Variants in MTMR10 observed in about 807,000 individuals in gnomAD.
MTMR10 encodes the protein myotubularin-related protein 10.
A neutral mutation model predicts 88.1 loss-of-function variants in MTMR10; 56 were observed. That is an observed-to-expected ratio of 0.64 (90% CI 0.51 to 0.79). The LOEUF is 0.79. MTMR10 is among the 30% of genes least tolerant of loss of function. The pLI, the probability that MTMR10 is intolerant of heterozygous loss-of-function variation, is 0.00. For synonymous variants in MTMR10, 380 were observed against 340.9 expected, an observed-to-expected ratio of 1.11 and a Z score of -1.26; for missense variants, 883 against 924.7, an observed-to-expected ratio of 0.95 and a Z score of 0.58.
rs538133762 is a variant in MTMR10, at chr15:30,940,718, A to G, written c.*752T>C. ...CTGGGGACTCCTGGCTATGAAGCTT[A>G]GTATGAAAAGCCTATTTCAAATATG... is the stretch of plus-strand genomic sequence containing the variant. On this transcript the variant is annotated 3_prime_UTR_variant, in exon 16 of 16. Transcript: ENST00000435680. The G allele has an allele frequency of 8.8e-5, 87 of 988,990 alleles. 1 individual carries two copies. The Admixed American group carries it at 4.2e-3, about 48-fold the overall frequency. The allele number at this position is 988,990 out of a possible 1,614,324, so 61.3% of individuals were successfully genotyped here.
At chr15:30,928,459 TG>T in the MTMR10 span, 4 of 1,548,460 alleles carry the variant, frequency 2.6e-6, no homozygotes, top group South Asian at 4.9e-5. Context: ...AAATTGAGTG[TG>T]CAGTAGGTTA....
chr15:30,929,757 A>ATC, the MTMR10 span, among the ~76,000 whole-genome samples: 6 of 35,712 alleles, frequency 1.7e-4, no homozygotes, highest in African/African-American at 7.8e-4. Context: ...TATATAATAT[A>ATC]ATATATAAAA....
rs2062952195 is a variant in MTMR10 at position 30,939,090 on chromosome 15, A to G, written c.*2380T>C. The G allele has an allele frequency of 1.0e-6, 1 of 985,374 alleles. No homozygotes were observed. Among genetic ancestry groups the G allele is most frequent in the South Asian group, 4.7e-5 (1 of 21,294 alleles). 61.0% of individuals were successfully genotyped at this position (985,374 alleles called of 1,614,324 possible). ...AGGTTTTAGTTTTCTCGGGAAATCA[A>G]GTTTTAACCACTTGAGGTTACTACT... On this transcript the variant is annotated 3_prime_UTR_variant, in exon 16 of 16. Coordinates refer to ENST00000435680, the MANE Select transcript of MTMR10 (RefSeq NM_017762.3).
chr15:30,926,090 C>G, the MTMR10 span: 1 of 765,792 alleles, frequency 1.3e-6, no homozygotes, highest in Admixed American at 2.6e-5. Flanking sequence ...CCTATTCTTC[C>G]CCTTATCAAT....
chr15:30,948,244 A>T (rs1785760342), intron 13 of MTMR10, 58 bp downstream of exon 13: 1 of 1,490,380 alleles, frequency 6.7e-7, no homozygotes. Context: ...TTTTAATGAC[A>T]CAAATTTTAT....
downstream of MTMR10, among the ~76,000 whole-genome samples, chr15:30,935,533 A>G (rs191413278): frequency 6.6e-6 from 1 of 152,326 alleles, no homozygotes; most frequent in East Asian, 1.9e-4. Flanking sequence ...TATATTAGGT[A>G]TTATAAGTAG....
At chr15:30,922,738 G>A in the MTMR10 span, among the ~76,000 whole-genome samples, 1 of 152,238 alleles carries the variant, frequency 6.6e-6, no homozygotes, top group Non-Finnish European at 1.5e-5. Context: ...TTGTAGCACA[G>A]GGTCTCTAGG....
At chr15:30,957,027 T>C (rs533485243) in intron 9 of MTMR10, among the ~76,000 whole-genome samples, 1 of 152,314 alleles carries the variant, frequency 6.6e-6, no homozygotes, top group South Asian at 2.1e-4. Context: ...TTGATGGTTA[T>C]TTGCTTCAGT....
At chr15:30,954,642 T>TA (rs2063296803) in intron 10 of MTMR10, 121 bp downstream of exon 10, 1 of 1,011,080 alleles carries the variant, frequency 9.9e-7, no homozygotes, top group Admixed American at 3.8e-5. Flanking sequence ...TTTGTACAAA[T>TA]AGTTCCATAG....
At chr15:30,951,328 T>A (rs993350204) in intron 12 of MTMR10, among the ~76,000 whole-genome samples, 1 of 152,122 alleles carries the variant, frequency 6.6e-6, no homozygotes, top group Non-Finnish European at 1.5e-5. Context: ...TAAAACAAAT[T>A]TGTACAAATT....
chr15:30,936,982 T>A, downstream of MTMR10: 1 of 702,212 alleles, frequency 1.4e-6, no homozygotes, highest in South Asian at 1.9e-5. Flanking sequence ...ACCATCCGTA[T>A]ATTTGTGTTA....
Position 30,959,062 on chromosome 15 carries a change from G to A in MTMR10, c.818C>T (p.Ser273Phe). The A allele has an allele frequency of 6.2e-7, 1 of 1,613,132 alleles. No individual in the cohort carries two copies. The highest frequency in any genetic ancestry group is 8.5e-7 in the Non-Finnish European group (1 of 1,179,396). The change falls in exon 8 of 16, where the codon TCC becomes TTC. Residue 273 changes from serine (S) to phenylalanine (F), a missense_variant. Coordinates refer to ENST00000435680, the MANE Select transcript of MTMR10 (RefSeq NM_017762.3). ...SLADQDLKIF[S>F]HSFVGRRMPL... ...CATCCTTCTCCCAACAAAAGAATGGGAAAAGATCTTTAGATCTTGGTCTGC... is the reference window on the plus strand; with the variant it reads ...CATCCTTCTCCCAACAAAAGAATGGAAAAAGATCTTTAGATCTTGGTCTGC...
chr15:30,979,753 TTTAC>T (rs1484563608), intron 2 of MTMR10, among the ~76,000 whole-genome samples: 8 of 152,294 alleles, frequency 5.3e-5, no homozygotes, highest in Admixed American at 3.9e-4. Context: ...GCCAGATTCT[TTTAC>T]TGATGCACGA....
chr15:30,987,234 C>A (rs2030994672), intron 2 of MTMR10, among the ~76,000 whole-genome samples: 1 of 152,168 alleles, frequency 6.6e-6, no homozygotes, highest in African/African-American at 2.4e-5. Context: ...TGTGTGTGTG[C>A]CTGGGTAAGG....
chr15:30,990,991 T>C (rs1402922612), intron 1 of MTMR10, among the ~76,000 whole-genome samples, 154 bp from the exon 2 acceptor site: 1 of 152,184 alleles, frequency 6.6e-6, no homozygotes, highest in African/African-American at 2.4e-5. Context: ...GTTTTTAAGA[T>C]CTGCTCATTA....
chr15:30,935,878 C>CTA (rs2062838280), downstream of MTMR10, among the ~76,000 whole-genome samples: 1 of 152,130 alleles, frequency 6.6e-6, no homozygotes, highest in South Asian at 2.1e-4. Flanking sequence ...GCTGCTTTGA[C>CTA]TATATCCCCT....
intron 11 of MTMR10, 132 bp downstream of exon 11, chr15:30,953,430 G>A (rs567502941): frequency 2.8e-5 from 19 of 670,944 alleles, no homozygotes; most frequent in Admixed American, 1.8e-4. Context: ...CTCTAGTTAC[G>A]AGATGTTACT....
At chr15:30,984,252 G>A (rs974363400) in intron 2 of MTMR10, among the ~76,000 whole-genome samples, 3 of 152,128 alleles carry the variant, frequency 2.0e-5, no homozygotes, top group African/African-American at 7.2e-5. Flanking sequence ...GAGTTTGGAG[G>A]GGTAAGAAAA....
intron 6 of MTMR10, among the ~76,000 whole-genome samples, chr15:30,967,714 A>G (rs2063489122): frequency 6.6e-6 from 1 of 152,202 alleles, no homozygotes; most frequent in African/African-American, 2.4e-5. Flanking sequence ...CCATATTCAT[A>G]GCATTAAAGG....
Sources: allele counts gnomAD v4.1 joint callset (sites outside exome capture counted in the v4.1 genomes callset), GRCh38; gene constraint gnomAD v4.1.1; transcripts MANE v1.5; gene names NCBI Gene and HGNC (gene_info 2026-07-23, HGNC 2026-07-21).